Variants in FAF1 observed in about 807,000 individuals in gnomAD.
The protein encoded by FAF1 is FAS-associated factor 1.
In FAF1, 25 loss-of-function variants were observed where a neutral mutation model predicts 92.5. The observed-to-expected ratio is 0.27, with a 90% CI of 0.20 to 0.38. The LOEUF (loss-of-function observed/expected upper bound fraction) is 0.38, where lower values mean the gene tolerates loss of function less well. Among genes scored for constraint, FAF1 ranks in the 10% least tolerant of loss-of-function variants. FAF1 has a pLI of 1.00. For synonymous variants in FAF1, 234 were observed against 273.2 expected, an observed-to-expected ratio of 0.86 and a Z score of 1.42; for missense variants, 636 against 793.3, an observed-to-expected ratio of 0.80 and a Z score of 2.38.
At chr1:50,705,700 A>G in intron 7 of FAF1, 86 bp downstream of exon 7, 1 of 690,280 alleles carries the variant, frequency 1.4e-6, no homozygotes. Context: ...GAGAATTTCC[A>G]ACCAGAACAG....
chr1:50,494,979 A>T (rs976326146), intron 15 of FAF1, among the ~76,000 whole-genome samples: 14 of 152,148 alleles, frequency 9.2e-5, no homozygotes, highest in South Asian at 8.3e-4. Flanking sequence ...AGTTAAAAAA[A>T]TTTTTTTTGA....
chr1:50,491,838 A>C (rs1235173519), intron 15 of FAF1, 37 bp from the exon 16 acceptor site: 37 of 1,488,460 alleles, frequency 2.5e-5, no homozygotes, highest in Admixed American at 4.0e-5. Context: ...TTGACATATA[A>C]CTTTTTTTTG....
chr1:50,599,392 C>G (rs34348448), intron 8 of FAF1, among the ~76,000 whole-genome samples: 5 of 152,086 alleles, frequency 3.3e-5, no homozygotes, highest in Admixed American at 2.6e-4. Flanking sequence ...GATTACAGGC[C>G]TAAGCCACCA....
At chr1:50,480,200 G>T (rs1043673550) in intron 17 of FAF1, among the ~76,000 whole-genome samples, 18 of 152,140 alleles carry the variant, frequency 1.2e-4, no homozygotes, top group Non-Finnish European at 2.4e-4. Flanking sequence ...TGAGGGATGA[G>T]AAATGGGGCT....
chr1:50,725,379 C>A (rs931399274), intron 6 of FAF1, among the ~76,000 whole-genome samples: 1 of 152,176 alleles, frequency 6.6e-6, no homozygotes, highest in African/African-American at 2.4e-5. Context: ...TATAAGAACT[C>A]TATTCTCGCT....
intron 1 of FAF1, among the ~76,000 whole-genome samples, chr1:50,910,010 G>T (rs924657942): frequency 6.6e-6 from 1 of 152,208 alleles, no homozygotes; most frequent in Non-Finnish European, 1.5e-5. Flanking sequence ...CCATCTTTGT[G>T]TTTTTATCTA....
chr1:50,792,524 A>ATTTG (rs1661600868), intron 3 of FAF1, among the ~76,000 whole-genome samples: 1 of 152,154 alleles, frequency 6.6e-6, no homozygotes, highest in Admixed American at 6.5e-5. Flanking sequence ...GAAAACTCTC[A>ATTTG]AAAGAGTCCA....
intron 6 of FAF1, among the ~76,000 whole-genome samples, chr1:50,709,059 T>C (rs1467057950): frequency 6.6e-6 from 1 of 152,224 alleles, no homozygotes; most frequent in Non-Finnish European, 1.5e-5. Flanking sequence ...TTCCTGAGGT[T>C]TGAAGGCCTT....
intron 3 of FAF1, 89 bp downstream of exon 3, chr1:50,801,542 C>A: frequency 1.4e-6 from 1 of 719,754 alleles, no homozygotes. Flanking sequence ...AATCAATGCT[C>A]TATTAAAAAA....
At chr1:50,782,309 C>T (rs1053414638) in intron 4 of FAF1, among the ~76,000 whole-genome samples, 3 of 151,942 alleles carry the variant, frequency 2.0e-5, no homozygotes, top group Non-Finnish European at 4.4e-5. Context: ...TCCAGTAGGA[C>T]AAGATGTGGA....
chr1:50,605,459 T>C (rs1652335105), intron 8 of FAF1, among the ~76,000 whole-genome samples: 1 of 152,170 alleles, frequency 6.6e-6, no homozygotes. Flanking sequence ...TTTACCTATA[T>C]AAAAAAGTAC....
At chr1:50,898,453 T>A (rs1205925778) in intron 1 of FAF1, among the ~76,000 whole-genome samples, 2 of 152,162 alleles carry the variant, frequency 1.3e-5, no homozygotes, top group African/African-American at 4.8e-5. Flanking sequence ...TATTCTACAA[T>A]GAAGAAATCT....
chr1:50,909,495 G>A (rs748482563), intron 1 of FAF1, among the ~76,000 whole-genome samples: 28 of 152,218 alleles, frequency 1.8e-4, no homozygotes, highest in Non-Finnish European at 2.1e-4. Flanking sequence ...CAGTCTTCTC[G>A]TCACTTTCAG....
At chr1:50,655,679 T>C (rs1274465223) in intron 7 of FAF1, 151 bp from the exon 8 acceptor site, 8 of 539,628 alleles carry the variant, frequency 1.5e-5, no homozygotes, top group Non-Finnish European at 2.5e-5. Flanking sequence ...CAAAAAATTT[T>C]GTAAAAAAGA....
At chr1:50,674,155 G>A (rs1569734317) in intron 7 of FAF1, among the ~76,000 whole-genome samples, 1 of 152,248 alleles carries the variant, frequency 6.6e-6, no homozygotes, top group East Asian at 1.9e-4. Flanking sequence ...GTTTCACCAT[G>A]TTGGTCAGGT....
At chr1:50,499,154 G>C (rs1646947702) in intron 15 of FAF1, among the ~76,000 whole-genome samples, 1 of 152,126 alleles carries the variant, frequency 6.6e-6, no homozygotes, top group Admixed American at 6.5e-5. Context: ...AAGGTACCTA[G>C]AATAGGCAAA....
intron 18 of FAF1, among the ~76,000 whole-genome samples, chr1:50,441,944 A>C (rs981076117): frequency 6.6e-6 from 1 of 151,852 alleles, no homozygotes; most frequent in Non-Finnish European, 1.5e-5. Context: ...GAACTACATT[A>C]TAAACTGTAG....
At chr1:50,510,524 A>T (rs1013120893) in intron 15 of FAF1, among the ~76,000 whole-genome samples, 2 of 152,146 alleles carry the variant, frequency 1.3e-5, no homozygotes, top group Admixed American at 1.3e-4. Context: ...GCATCCTTCC[A>T]TTAGTCCCTA....
intron 3 of FAF1, among the ~76,000 whole-genome samples, chr1:50,799,855 G>T (rs1411879689): frequency 6.6e-6 from 1 of 152,054 alleles, no homozygotes; most frequent in Non-Finnish European, 1.5e-5. Flanking sequence ...TACTTTCAGT[G>T]TTCAGCTTAT....
Sources: allele counts gnomAD v4.1 joint callset (sites outside exome capture counted in the v4.1 genomes callset), GRCh38; gene constraint gnomAD v4.1.1; transcripts MANE v1.5; gene names NCBI Gene and HGNC (gene_info 2026-07-23, HGNC 2026-07-21).